The following AGBL1 variants were observed in gnomAD, a reference collection of about 807,000 sequenced individuals.
AGBL1 encodes AGBL carboxypeptidase 1.
A neutral mutation model predicts 118.9 loss-of-function variants in AGBL1; 130 were observed. The ratio of observed to expected loss-of-function variants is 1.09; its 90% CI spans 0.95 to 1.26. The LOEUF is 1.26. AGBL1 is among the 50% of genes most tolerant of loss of function. The pLI, the probability that AGBL1 is intolerant of heterozygous loss-of-function variation, is 0.00. For synonymous variants in AGBL1, 555 were observed against 478.9 expected (o/e 1.16, Z -2.08); for missense variants, 1,584 against 1,298.1 (o/e 1.22, Z -3.38).
chr15:86,202,518 A>C (rs76272780), intron 5 of AGBL1, among the ~76,000 whole-genome samples: 1,868 of 152,298 alleles, frequency 0.012, 22 homozygotes, highest in East Asian at 0.058. Context: ...ATTTGTTGTA[A>C]AAACAATTGA....
At chr15:86,378,371 T>C (rs747637661) in intron 17 of AGBL1, among the ~76,000 whole-genome samples, 1 of 152,144 alleles carries the variant, frequency 6.6e-6, no homozygotes, top group Non-Finnish European at 1.5e-5. Context: ...TCAGTGGAAA[T>C]TTTTTCCCTT....
At chr15:86,505,258 G>A (rs578039939) in intron 18 of AGBL1, among the ~76,000 whole-genome samples, 1 of 151,940 alleles carries the variant, frequency 6.6e-6, no homozygotes, top group East Asian at 1.9e-4. Context: ...CTTGGAGTTT[G>A]ATGAGATTTT....
intron 22 of AGBL1, among the ~76,000 whole-genome samples, chr15:86,767,040 T>A (rs1322537564): frequency 6.6e-6 from 1 of 152,050 alleles, no homozygotes; most frequent in Non-Finnish European, 1.5e-5. Context: ...ATAGTAATCA[T>A]GTTTAAGAAT....
At chr15:86,893,205 T>A (rs1432700127) in intron 22 of AGBL1, among the ~76,000 whole-genome samples, 1 of 152,128 alleles carries the variant, frequency 6.6e-6, no homozygotes, top group East Asian at 1.9e-4. Flanking sequence ...GACAGGTAGC[T>A]GGGAGAGTAT....
At position 86,938,593 on chromosome 15, in the gene AGBL1, C is replaced by T. The variant is rs115752199; in HGVS notation, c.3222-49394C>T. 1.5e-3 allele frequency among the ~76,000 whole-genome samples: 229 copies of T among 152,222 alleles called. 2 individuals are homozygous for T. Among genetic ancestry groups the T allele is most frequent in the African/African-American group, 5.0e-3 (206 of 41,532 alleles). On this transcript the variant is annotated intron_variant, in intron 23 of 24. Transcript: ENST00000441037. ...AGGGACACTCAGCCATTCCAAGCACCTAGTCCAGGATACCTAACAAAATTG... is the reference window on the plus strand; with the variant it reads ...AGGGACACTCAGCCATTCCAAGCACTTAGTCCAGGATACCTAACAAAATTG...
At chr15:86,479,103 A>C (rs1378474250) in intron 18 of AGBL1, among the ~76,000 whole-genome samples, 1 of 152,222 alleles carries the variant, frequency 6.6e-6, no homozygotes, top group Non-Finnish European at 1.5e-5. Flanking sequence ...AAAGCCTTAA[A>C]TGTTAGACCT....
intron 19 of AGBL1, 149 bp downstream of exon 19, chr15:86,523,088 C>T: frequency 1.1e-6 from 1 of 928,218 alleles, no homozygotes; most frequent in East Asian, 2.4e-5. Context: ...CATTGACTTC[C>T]TGGGCTGCTG....
Position 86,617,760 on chromosome 15 carries a change from GCACACACA to G in AGBL1, c.2995-56486_2995-56479del, listed in dbSNP as rs5814253. ...AATTCTGTGTGATTCAACTTTATGC[GCACACACA>G]CACACACACACACACACACACACAC... On this transcript the variant is annotated intron_variant, in intron 21 of 22. Coordinates refer to ENST00000614907, the MANE Select transcript of AGBL1 (RefSeq NM_001386094.1). Among the ~76,000 whole-genome samples, 159 of 146,878 alleles carry G rather than the reference GCACACACA, an allele frequency of 1.1e-3. 1 individual carries two copies. Among genetic ancestry groups the G allele is most frequent in the Admixed American group, 2.0e-3 (30 of 14,746 alleles).
chr15:86,874,196 A>G (rs76799849), intron 22 of AGBL1, among the ~76,000 whole-genome samples: 2,412 of 152,248 alleles, frequency 0.016, 63 homozygotes, highest in African/African-American at 0.054. Context: ...AATTATGTCA[A>G]TATTTTCCAA....
chr15:86,913,198 CAT>C lies in AGBL1; in HGVS notation c.*5906_*5907del, dbSNP rs757563258. 10 of 105,234 alleles carry C rather than the reference CAT, an allele frequency of 9.5e-5. No individual in the cohort carries two copies. Among genetic ancestry groups the C allele is most frequent in the Non-Finnish European group, 1.9e-4 (10 of 51,364 alleles). 6.5% of individuals were successfully genotyped at this position (105,234 alleles called of 1,614,324 possible). On this transcript the variant is annotated 3_prime_UTR_variant, in exon 23 of 23. Transcript: ENST00000614907. Reference sequence around the variant, plus strand: ...GTTTGAGTTCCCCACCACACACACACATACACACACACACACACACACACACA... The same window carrying C: ...GTTTGAGTTCCCCACCACACACACACACACACACACACACACACACACACA...
Position 86,459,527 on chromosome 15 carries a change from T to C in AGBL1, c.2555+61981T>C, listed in dbSNP as rs113472355. Among the ~76,000 whole-genome samples, 1,190 of 152,296 alleles carry C rather than the reference T, an allele frequency of 7.8e-3. 12 individuals are homozygous for C. The highest frequency in any genetic ancestry group is 0.027 in the African/African-American group (1,114 of 41,570). ...TCATAATTCATATTTATAAATAGTT[T>C]GGGTGAAAAGAAAGATTTGGGAATA... is the stretch of plus-strand genomic sequence containing the variant. On this transcript the variant is annotated intron_variant, in intron 18 of 22. Coordinates refer to ENST00000614907, the MANE Select transcript of AGBL1 (RefSeq NM_001386094.1).
intron 23 of AGBL1, among the ~76,000 whole-genome samples, chr15:86,939,411 G>A (rs898262317): frequency 6.6e-6 from 1 of 152,142 alleles, no homozygotes; most frequent in Non-Finnish European, 1.5e-5. Flanking sequence ...TTACACCAAT[G>A]ATTTCCCAGG....
intron 23 of AGBL1, among the ~76,000 whole-genome samples, chr15:86,938,459 C>A (rs1309034687): frequency 6.6e-6 from 1 of 152,194 alleles, no homozygotes; most frequent in African/African-American, 2.4e-5. Flanking sequence ...TGGAGAAAAC[C>A]AAAGTGTTGT....
chr15:86,161,425 G>C (rs547202571), intron 5 of AGBL1, among the ~76,000 whole-genome samples: 1 of 152,300 alleles, frequency 6.6e-6, no homozygotes, highest in South Asian at 2.1e-4. Context: ...AATTGAAACT[G>C]AAAGAAGTTA....
At chr15:86,749,175 T>C (rs1263453396) in intron 22 of AGBL1, among the ~76,000 whole-genome samples, 1 of 152,132 alleles carries the variant, frequency 6.6e-6, no homozygotes, top group Non-Finnish European at 1.5e-5. Context: ...TTGTGTCCTC[T>C]TTTATTTCGT....
At chr15:86,612,423 G>T (rs1226047589) in intron 21 of AGBL1, among the ~76,000 whole-genome samples, 1 of 148,682 alleles carries the variant, frequency 6.7e-6, no homozygotes, top group Non-Finnish European at 1.5e-5. Flanking sequence ...AACTAGTTCA[G>T]GCCATGATGG....
chr15:86,498,245 T>A (rs1171013388), intron 18 of AGBL1, among the ~76,000 whole-genome samples: 1 of 151,924 alleles, frequency 6.6e-6, no homozygotes, highest in Non-Finnish European at 1.5e-5. Flanking sequence ...ATCTTGGTTT[T>A]ATCTCCTTCA....
chr15:86,145,665 G>T (rs2077023832), intron 3 of AGBL1, among the ~76,000 whole-genome samples: 1 of 152,160 alleles, frequency 6.6e-6, no homozygotes, highest in Admixed American at 6.5e-5. Flanking sequence ...GCCAACACCT[G>T]CATGAGCGTG....
chr15:86,809,287 C>T (rs2078758293), intron 22 of AGBL1, among the ~76,000 whole-genome samples: 2 of 152,094 alleles, frequency 1.3e-5, no homozygotes, highest in African/African-American at 2.4e-5. Flanking sequence ...AAAGCTTTTA[C>T]TACCAAAGTC....
Sources: gnomAD v4.1 joint callset for allele counts (sites outside exome capture counted in the v4.1 genomes callset) on GRCh38, gnomAD v4.1.1 for gene constraint, MANE v1.5 for transcripts, NCBI Gene and HGNC (gene_info 2026-07-23, HGNC 2026-07-21) for gene names.